The following ZFP90 variants were observed in gnomAD, a reference collection of about 807,000 sequenced individuals.
ZFP90 encodes the protein zinc finger protein 90 homolog.
A neutral mutation model predicts 60.8 loss-of-function variants in ZFP90; 38 were observed. That is an observed-to-expected ratio of 0.62 (90% CI 0.48 to 0.82). The LOEUF is 0.82. Among genes scored for constraint, ZFP90 ranks in the 40% least tolerant of loss-of-function variants. The pLI, the probability that ZFP90 is intolerant of heterozygous loss-of-function variation, is 0.00. For missense variants in ZFP90, 711 were observed against 759.1 expected, an observed-to-expected ratio of 0.94 and a Z score of 0.74; for synonymous variants, 287 against 264.8, an observed-to-expected ratio of 1.08 and a Z score of -0.82.
chr16:68,570,759 C>T (rs746631032), downstream of ZFP90, among the ~76,000 whole-genome samples: 5 of 152,224 alleles, frequency 3.3e-5, no homozygotes, highest in African/African-American at 4.8e-5. Flanking sequence ...TTATTTGATA[C>T]ATTAGTTGAT....
At chr16:68,544,284 C>A (rs534102482) in intron 2 of ZFP90, among the ~76,000 whole-genome samples, 23 of 152,324 alleles carry the variant, frequency 1.5e-4, no homozygotes, top group African/African-American at 5.5e-4. Context: ...GTGGCACACA[C>A]ACCTATAGTC....
chr16:68,569,041 G>A (rs897736397), downstream of ZFP90, among the ~76,000 whole-genome samples: 15 of 151,440 alleles, frequency 9.9e-5, no homozygotes, highest in East Asian at 3.9e-4. Flanking sequence ...AGCATCTGGC[G>A]AAACAATAAA....
At position 68,551,415 on chromosome 16, in the gene ZFP90, C is replaced by CTTTTTTTTTTTTTTTTTTTT. The variant is rs10538200; in HGVS notation, c.34-6579_34-6560dup. 6.5e-5 allele frequency among the ~76,000 whole-genome samples: 8 copies of CTTTTTTTTTTTTTTTTTTTT among 123,024 alleles called. 4 individuals carry two copies. The highest frequency in any genetic ancestry group is 6.3e-5 in the African/African-American group (2 of 31,684). The allele number at this position is 123,024 out of a possible 152,430, so 80.7% of individuals were successfully genotyped here. A position where few individuals can be genotyped will look rare whatever the true frequency, so the allele number is the denominator to read the frequency against. On this transcript the variant is annotated intron_variant, in intron 2 of 4. Coordinates refer to ENST00000563169, the MANE Select transcript of ZFP90 (RefSeq NM_001305203.2). ...GCATAAGGAAAGGGAACATGTGATC[C>CTTTTTTTTTTTTTTTTTTTT]TTTTTTTTTTTTTTTTTTTTTTTGG...
chr16:68,534,926 AAAAT>A (rs895637601), upstream of ZFP90, among the ~76,000 whole-genome samples: 2 of 152,164 alleles, frequency 1.3e-5, no homozygotes, highest in African/African-American at 4.8e-5. Flanking sequence ...AAATAAAAAT[AAAAT>A]AAATTTTTGA....
At chr16:68,575,972 C>A in exon 3 of ZFP90, 2 of 361,134 alleles carry the variant, frequency 5.5e-6, no homozygotes, top group Non-Finnish European at 9.8e-6. Context: ...AGATTTTTCA[C>A]AACTCTGGAA....
At chr16:68,539,584 G>A in intron 1 of ZFP90, 105 bp downstream of exon 1, 1 of 561,376 alleles carries the variant, frequency 1.8e-6, no homozygotes, top group Middle Eastern at 4.8e-4. Flanking sequence ...GGGGTGTCCG[G>A]GAGGCCGCTG....
At chr16:68,533,830 A>G (rs1370103464) in exon 2 of ZFP90, 1 of 152,180 alleles carries the variant, frequency 6.6e-6, no homozygotes, top group Non-Finnish European at 1.5e-5. Flanking sequence ...CCAGCTAGCC[A>G]TCTTCTAATT....
In ZFP90 at chr16:68,574,926, C is replaced by CA. The variant is rs10658760; in HGVS notation, c.224-849dup. Among the ~76,000 whole-genome samples the CA allele has an allele frequency of 9.8e-4, 101 of 103,584 alleles. 3 individuals are homozygous for CA. The highest frequency in any genetic ancestry group is 4.4e-3 in the East Asian group (15 of 3,438). The allele number at this position is 103,584 out of a possible 152,430, so 68.0% of individuals were successfully genotyped here. A position where few individuals can be genotyped will look rare whatever the true frequency, so the allele number is the denominator to read the frequency against. ...TGGGCCACAGAGTGAGACCCTGTCT[C>CA]AAAAAAAAAAAAAAAAGTGGAAAAA... On this transcript the variant is annotated intron_variant, in intron 2 of 2. Coordinates refer to the ZFP90 transcript ENST00000573113.
intron 2 of ZFP90, among the ~76,000 whole-genome samples, chr16:68,548,926 C>G (rs1310772437): frequency 2.0e-5 from 3 of 152,102 alleles, no homozygotes; most frequent in African/African-American, 7.2e-5. Context: ...CTGTTTGCCT[C>G]TGTTTTTTAT....
Position 68,566,327 on chromosome 16 carries a change from C to T in ZFP90, c.*1629C>T. ...ATTGATTCCTTTTACACAAGAGCTGCCTCCCAAAGATAGATAAATTTTCCC... is the reference window on the plus strand; with the variant it reads ...ATTGATTCCTTTTACACAAGAGCTGTCTCCCAAAGATAGATAAATTTTCCC... On this transcript the variant is annotated 3_prime_UTR_variant, in exon 5 of 5. Coordinates refer to ENST00000563169, the MANE Select transcript of ZFP90 (RefSeq NM_001305203.2). The T allele has an allele frequency of 1.0e-6, 1 of 985,358 alleles. No individual in the cohort carries two copies. Among genetic ancestry groups the T allele is most frequent in the Non-Finnish European group, 1.2e-6 (1 of 829,936 alleles). The allele number at this position is 985,358 out of a possible 1,614,324, so 61.0% of individuals were successfully genotyped here.
downstream of ZFP90, chr16:68,567,163 A>G: frequency 1.0e-6 from 1 of 985,522 alleles, no homozygotes; most frequent in Non-Finnish European, 1.2e-6. Context: ...CAATTTTCAG[A>G]ACTTGGCTAA....
chr16:68,537,860 C>A (rs1481844138), upstream of ZFP90, among the ~76,000 whole-genome samples: 2 of 152,068 alleles, frequency 1.3e-5, no homozygotes, highest in East Asian at 1.9e-4. Context: ...TAGCCCCTTG[C>A]GCAGGATTTT....
chr16:68,570,831 C>A (rs2091564137), downstream of ZFP90, among the ~76,000 whole-genome samples: 1 of 151,828 alleles, frequency 6.6e-6, no homozygotes, highest in African/African-American at 2.4e-5. Context: ...ACTAGATTTT[C>A]TTATCCTTTA....
At chr16:68,540,173 G>A (rs997159757) in intron 2 of ZFP90, among the ~76,000 whole-genome samples, 3 of 152,112 alleles carry the variant, frequency 2.0e-5, no homozygotes, top group African/African-American at 7.2e-5. Context: ...ACACTGTAGA[G>A]GAGGAAGTGA....
Position 68,564,624 on chromosome 16 carries a change from G to C in ZFP90, c.1837G>C (p.Glu613Gln). 6.2e-7 allele frequency: 1 copy of C among 1,614,000 alleles called. No individual in the cohort carries two copies. The highest frequency in any genetic ancestry group is 8.5e-7 in the Non-Finnish European group (1 of 1,179,964). Residue 613 changes from glutamate to glutamine, a missense_variant, in exon 5 of 5, where the codon GAA (glutamate) becomes CAA (glutamine). Glu to Gln is a conservative substitution (Grantham distance 29). This residue lies in a region of ZFP90 where 295 missense variants were observed against 274.0 expected (regional missense o/e 1.08). Transcript: ENST00000563169. ...HTGEKPYSCK[E>Q]CGKNFSRSSA... is the part of the protein sequence containing the mutation. The stretch of plus-strand genomic sequence containing the variant: ...TGGAGAAAAACCCTATTCTTGTAAG[G>C]AATGTGGGAAAAACTTCAGCCGAAG...
intron 2 of ZFP90, among the ~76,000 whole-genome samples, chr16:68,540,691 G>A (rs1270656576): frequency 1.3e-5 from 2 of 151,736 alleles, no homozygotes; most frequent in Admixed American, 1.3e-4. Flanking sequence ...ATACCAAGTT[G>A]CCAGGTACAG....
At chr16:68,562,913 G>A (rs550200337) in intron 4 of ZFP90, 131 bp from the exon 5 acceptor site, 613 of 1,538,922 alleles carry the variant, frequency 4.0e-4, no homozygotes, top group Non-Finnish European at 4.9e-4. Context: ...ATTTTGGGTC[G>A]TCTTCTCAGG....
chr16:68,541,266 G>A (rs2091044355), intron 2 of ZFP90, among the ~76,000 whole-genome samples: 1 of 151,990 alleles, frequency 6.6e-6, no homozygotes, highest in South Asian at 2.1e-4. Context: ...TCGAACTCCT[G>A]ACGTCAATTG....
chr16:68,552,426 G>A (rs988270249), intron 2 of ZFP90, among the ~76,000 whole-genome samples: 1 of 152,144 alleles, frequency 6.6e-6, no homozygotes, highest in African/African-American at 2.4e-5. Flanking sequence ...AGAGGCCCAG[G>A]GAGGAGAGCT....
Sources: gnomAD v4.1 joint callset for allele counts (sites outside exome capture counted in the v4.1 genomes callset) on GRCh38, gnomAD v4.1.1 for gene constraint, gnomAD v4.1.1 regional missense constraint, MANE v1.5 for transcripts, NCBI Gene and HGNC (gene_info 2026-07-23, HGNC 2026-07-21) for gene names.